CEP170: variants seen among roughly 807,000 people sequenced by gnomAD.
CEP170 encodes the protein centrosomal protein 170, also known as centrosomal protein of 170 kDa.
Under a neutral mutation model 151.9 loss-of-function variants are expected in CEP170, and 21 were observed. The observed-to-expected ratio is 0.14, with a 90% CI of 0.10 to 0.20. CEP170 has a LOEUF of 0.20. Among genes scored for constraint, CEP170 ranks in the 10% least tolerant of loss-of-function variants. The pLI, the probability that CEP170 is intolerant of heterozygous loss-of-function variation, is 1.00. For missense variants in CEP170, 964 were observed against 1,892.9 expected, an observed-to-expected ratio of 0.51 and a Z score of 9.11; for synonymous variants, 356 against 648.8, an observed-to-expected ratio of 0.55 and a Z score of 6.86.
chr1:243,181,748 G>A (rs1381929296), intron 10 of CEP170, among the ~76,000 whole-genome samples: 1 of 152,090 alleles, frequency 6.6e-6, no homozygotes, highest in Non-Finnish European at 1.5e-5. Flanking sequence ...GTTGCTTACT[G>A]ACTTCTCTTT....
chr1:243,173,953 C>G (rs2059049376), intron 10 of CEP170, among the ~76,000 whole-genome samples: 1 of 152,122 alleles, frequency 6.6e-6, no homozygotes, highest in African/African-American at 2.4e-5. Flanking sequence ...ATGAAATTTT[C>G]TAAGATGCCA....
chr1:243,145,220 T>C (rs2056324004), intron 14 of CEP170, among the ~76,000 whole-genome samples: 1 of 152,220 alleles, frequency 6.6e-6, no homozygotes, highest in Admixed American at 6.5e-5. Flanking sequence ...ACTATCAGAC[T>C]TCATTGATTT....
chr1:243,226,036 T>TAG, intron 1 of CEP170, among the ~76,000 whole-genome samples: 3 of 92,746 alleles, frequency 3.2e-5, no homozygotes, highest in Non-Finnish European at 4.4e-5. Context: ...TATATATATC[T>TAG]ATCTCTAGAT....
chr1:243,246,106 A>G (rs2065366604), intron 1 of CEP170, among the ~76,000 whole-genome samples: 1 of 152,170 alleles, frequency 6.6e-6, no homozygotes, highest in African/African-American at 2.4e-5. Flanking sequence ...AAAAGGTTTA[A>G]TTAGTAGAAT....
intron 10 of CEP170, among the ~76,000 whole-genome samples, chr1:243,180,409 A>G (rs1303790523): frequency 6.6e-6 from 1 of 152,208 alleles, no homozygotes. Flanking sequence ...GTTGAGGAGA[A>G]CTAATCAGAG....
chr1:243,150,771 C>T (rs2056990993), intron 14 of CEP170, among the ~76,000 whole-genome samples: 2 of 152,290 alleles, frequency 1.3e-5, no homozygotes, highest in Admixed American at 1.3e-4. Context: ...TTAAATATAA[C>T]ATTTATTGAC....
chr1:243,148,827 T>C (rs543628744), intron 14 of CEP170, among the ~76,000 whole-genome samples: 2 of 152,262 alleles, frequency 1.3e-5, no homozygotes, highest in East Asian at 3.9e-4. Flanking sequence ...TTGTTAGATG[T>C]TAGTGGCATT....
intron 1 of CEP170, among the ~76,000 whole-genome samples, chr1:243,228,000 G>A (rs545453034): frequency 4.3e-4 from 65 of 152,168 alleles, no homozygotes; most frequent in Non-Finnish European, 7.6e-4. Context: ...TTCTTCTTCA[G>A]TAAAATAAGA....
chr1:243,247,225 A>C (rs537921447), intron 1 of CEP170, among the ~76,000 whole-genome samples: 1 of 151,748 alleles, frequency 6.6e-6, no homozygotes, highest in Non-Finnish European at 1.5e-5. Context: ...TGGCCTAGGG[A>C]AAAAAAAAGT....
chr1:243,186,140 G>T, intron 9 of CEP170, 68 bp from the exon 10 acceptor site: 1 of 1,613,028 alleles, frequency 6.2e-7, no homozygotes, highest in Non-Finnish European at 8.5e-7. Context: ...TTTTGTATGT[G>T]GTGTTGAATA....
intron 3 of CEP170, among the ~76,000 whole-genome samples, chr1:243,215,942 A>C (rs1258650609): frequency 3.3e-5 from 5 of 151,988 alleles, no homozygotes; most frequent in African/African-American, 1.2e-4. Flanking sequence ...ACCAGCTGAC[A>C]CTTAGGGAAA....
In CEP170 at chr1:243,126,425, G is replaced by C; in HGVS notation, c.*24C>G. 6.3e-7 allele frequency: 1 copy of C among 1,589,174 alleles called. No individual in the cohort carries two copies. Among genetic ancestry groups the C allele is most frequent in the South Asian group, 1.1e-5 (1 of 87,318 alleles). ...TATTCCTAGCCATTCCACAGGTAAT[G>C]ATTTTTCAACAATCAAGAGAAAGTC... On this transcript the variant is annotated 3_prime_UTR_variant, in exon 20 of 20. Coordinates refer to ENST00000366542, the MANE Select transcript of CEP170 (RefSeq NM_014812.3).
chr1:243,194,829 T>A (rs1047367849), intron 7 of CEP170, among the ~76,000 whole-genome samples: 6 of 151,912 alleles, frequency 3.9e-5, no homozygotes, highest in Admixed American at 1.3e-4. Context: ...ATTATATTAT[T>A]AATCTCAATT....
chr1:243,238,146 A>C (rs2064429088), intron 1 of CEP170, among the ~76,000 whole-genome samples: 1 of 152,134 alleles, frequency 6.6e-6, no homozygotes, highest in African/African-American at 2.4e-5. Context: ...AAGGTGAAAT[A>C]CAAGAATTCT....
chr1:243,173,618 C>T (rs1277046792), intron 10 of CEP170, among the ~76,000 whole-genome samples: 1 of 151,492 alleles, frequency 6.6e-6, no homozygotes, highest in Non-Finnish European at 1.5e-5. Flanking sequence ...TGCCTATAGT[C>T]CCAGCTACTT....
intron 14 of CEP170, among the ~76,000 whole-genome samples, chr1:243,147,820 T>C (rs1418508843): frequency 1.3e-5 from 2 of 152,188 alleles, no homozygotes; most frequent in Non-Finnish European, 2.9e-5. Context: ...ACTTAAAAAT[T>C]TTCAATTTGG....
rs2059890166 is a variant in CEP170 at position 243,185,563 on chromosome 1, G to A, written c.1566+216C>T. 6.6e-6 allele frequency among the ~76,000 whole-genome samples: 1 copy of A among 152,118 alleles called. No homozygotes were observed. Among genetic ancestry groups the A allele is most frequent in the Admixed American group, 6.5e-5 (1 of 15,276 alleles). ...GGTCCAAACCTTTTAAATGTACAGA[G>A]CTTTATGTATGAAACTCAGGTAAAT... On this transcript the variant is annotated intron_variant, in intron 10 of 19. Transcript: ENST00000366542. This position sits in a 1 kb window ranked among gnomAD's most constrained non-coding sequence, Gnocchi z 4.9.
rs1032166563 is a variant in CEP170, at chr1:243,142,126, A to C, written c.4059+190T>G. Among the ~76,000 whole-genome samples, 12 of 152,242 alleles carry C rather than the reference A, an allele frequency of 7.9e-5. 1 individual carries two copies. Among genetic ancestry groups the C allele is most frequent in the African/African-American group, 2.9e-4 (12 of 41,458 alleles). ...TTTTCCAGCTTCGTGTTAATAGTAG[A>C]CCAAATGTTAGCCTTCACTAGTTTT... On this transcript the variant is annotated intron_variant, in intron 15 of 19. Transcript: ENST00000366542.
At chr1:243,187,704 AGGTTG>A (rs1203651941) in intron 8 of CEP170, among the ~76,000 whole-genome samples, 8 of 152,208 alleles carry the variant, frequency 5.3e-5, no homozygotes, top group African/African-American at 1.9e-4. Context: ...TAATGTTTAT[AGGTTG>A]TTCCTAATGA....
Sources: allele counts gnomAD v4.1 joint callset (sites outside exome capture counted in the v4.1 genomes callset), GRCh38; gene constraint gnomAD v4.1.1; non-coding constraint Gnocchi (gnomAD v3.1); transcripts MANE v1.5; gene names NCBI Gene and HGNC (gene_info 2026-07-23, HGNC 2026-07-21).